The following NUDT3 variants were observed in gnomAD, a reference collection of about 807,000 sequenced individuals.
NUDT3 encodes nudix hydrolase 3.
NUDT3 carries 9 observed loss-of-function variants against 23.6 expected under a neutral mutation model. The observed-to-expected ratio is 0.38, with a 90% CI of 0.23 to 0.66. The LOEUF (loss-of-function observed/expected upper bound fraction) is 0.66. NUDT3 is among the 30% of genes least tolerant of loss of function. NUDT3 has a pLI of 0.52. For synonymous variants in NUDT3, 86 were observed against 82.6 expected, an observed-to-expected ratio of 1.04 and a Z score of -0.22; for missense variants, 172 against 218.5, an observed-to-expected ratio of 0.79 and a Z score of 1.34.
chr6:34,381,692 C>T (rs1307742354), intron 1 of NUDT3, among the ~76,000 whole-genome samples: 1 of 152,152 alleles, frequency 6.6e-6, no homozygotes, highest in East Asian at 1.9e-4. Flanking sequence ...TGTAAAAGCC[C>T]TGAGTCAGGG....
At position 34,392,583 on chromosome 6, in the gene NUDT3, G is replaced by GCTGCCGCCAGGGCCGCCGCCCCCT; in HGVS notation, c.-245_-222dup. The GCTGCCGCCAGGGCCGCCGCCCCCT allele has an allele frequency of 3.0e-6, 1 of 332,226 alleles. No individual in the cohort carries two copies. The highest frequency in any genetic ancestry group is 5.4e-6 in the Non-Finnish European group (1 of 184,154). 20.6% of individuals were successfully genotyped at this position (332,226 alleles called of 1,614,324 possible). ...TGCCACCGTCACGGCTGCCGTCTCC[G>GCTGCCGCCAGGGCCGCCGCCCCCT]CTGCCGCCAGGGCCGCCGCCCCCTC... On this transcript the variant is annotated 5_prime_UTR_variant, in exon 1 of 5. Coordinates refer to ENST00000607016, the MANE Select transcript of NUDT3 (RefSeq NM_006703.4).
chr6:34,337,492 C>T (rs947457685), intron 2 of NUDT3, among the ~76,000 whole-genome samples: 1 of 152,172 alleles, frequency 6.6e-6, no homozygotes, highest in Non-Finnish European at 1.5e-5. Flanking sequence ...TTATTTTACT[C>T]CTATTTCACA....
intron 1 of NUDT3, among the ~76,000 whole-genome samples, chr6:34,377,383 T>C (rs946344259): frequency 1.3e-5 from 2 of 152,086 alleles, no homozygotes; most frequent in African/African-American, 4.8e-5. Context: ...GAGACTACAA[T>C]ATATGTATTT....
intron 1 of NUDT3, among the ~76,000 whole-genome samples, chr6:34,391,760 C>A (rs1355099108): frequency 6.6e-6 from 1 of 151,538 alleles, no homozygotes; most frequent in Non-Finnish European, 1.5e-5. Flanking sequence ...ACCCCCACCC[C>A]TCAGCTTTGG....
At chr6:34,391,371 G>A (rs1379519122) in intron 1 of NUDT3, among the ~76,000 whole-genome samples, 1 of 152,130 alleles carries the variant, frequency 6.6e-6, no homozygotes, top group Non-Finnish European at 1.5e-5. Flanking sequence ...AATTTCCAAA[G>A]CAGCTACTCT....
intron 1 of NUDT3, among the ~76,000 whole-genome samples, chr6:34,385,941 C>T (rs1430001249): frequency 6.6e-6 from 1 of 152,178 alleles, no homozygotes; most frequent in Non-Finnish European, 1.5e-5. Context: ...ACCTTGGTCT[C>T]CCAAAGTGCT....
intron 1 of NUDT3, among the ~76,000 whole-genome samples, chr6:34,361,289 T>C (rs1363145297): frequency 1.3e-5 from 2 of 152,186 alleles, no homozygotes; most frequent in South Asian, 4.1e-4. Flanking sequence ...TCACATCATA[T>C]GTCAACAGGG....
chr6:34,361,214 C>T (rs1764646155), intron 1 of NUDT3, among the ~76,000 whole-genome samples: 1 of 151,732 alleles, frequency 6.6e-6, no homozygotes, highest in Admixed American at 6.6e-5. Context: ...AGAGTGAGAC[C>T]CTGTCTCTAA....
chr6:34,382,604 G>A (rs927658972), intron 1 of NUDT3, among the ~76,000 whole-genome samples: 18 of 151,764 alleles, frequency 1.2e-4, no homozygotes, highest in African/African-American at 3.6e-4. Context: ...GGTCAAGGCA[G>A]GAGGGCTGCT....
chr6:34,316,704 G>C (rs1175802310), intron 2 of NUDT3, among the ~76,000 whole-genome samples: 1 of 152,114 alleles, frequency 6.6e-6, no homozygotes, highest in Admixed American at 6.6e-5. Context: ...CAATTACAAG[G>C]GCACTGAGAG....
chr6:34,323,304 G>T (rs544616563), intron 2 of NUDT3, among the ~76,000 whole-genome samples: 157 of 152,188 alleles, frequency 1.0e-3, no homozygotes, highest in African/African-American at 3.6e-3. Context: ...TGGGCACAGT[G>T]GCCCATAATC....
At chr6:34,294,236 T>C (rs1763466219) in intron 3 of NUDT3, among the ~76,000 whole-genome samples, 1 of 152,004 alleles carries the variant, frequency 6.6e-6, no homozygotes, top group East Asian at 2.0e-4. Flanking sequence ...TCCGCATGCC[T>C]AGGCCTGGGA....
chr6:34,324,998 T>C (rs1190355221), intron 2 of NUDT3, among the ~76,000 whole-genome samples: 2 of 152,202 alleles, frequency 1.3e-5, no homozygotes, highest in Non-Finnish European at 2.9e-5. Context: ...CTGGAGGCTA[T>C]GTCTATGCCA....
chr6:34,349,589 G>C (rs1049456385), intron 1 of NUDT3, among the ~76,000 whole-genome samples: 1 of 150,600 alleles, frequency 6.6e-6, no homozygotes, highest in African/African-American at 2.5e-5. Context: ...AATGGTATCA[G>C]AATCTTCCAG....
intron 2 of NUDT3, 141 bp downstream of exon 2, chr6:34,341,721 G>A: frequency 1.6e-6 from 1 of 620,846 alleles, no homozygotes; most frequent in Non-Finnish European, 2.6e-6. Flanking sequence ...CGGTAATAAA[G>A]GAGGGACCGG....
intron 3 of NUDT3, among the ~76,000 whole-genome samples, chr6:34,294,905 G>T (rs1028134467): frequency 6.6e-6 from 1 of 152,006 alleles, no homozygotes; most frequent in Non-Finnish European, 1.5e-5. Context: ...GGGATTATAG[G>T]TGTGAGCCAC....
intron 1 of NUDT3, among the ~76,000 whole-genome samples, chr6:34,380,192 C>A (rs1764990435): frequency 6.6e-6 from 1 of 152,028 alleles, no homozygotes; most frequent in Non-Finnish European, 1.5e-5. Flanking sequence ...GCTGGGATTA[C>A]AGGCGCCTGC....
At chr6:34,392,215 A>T in intron 1 of NUDT3, 49 bp downstream of exon 1, 1 of 1,465,688 alleles carries the variant, frequency 6.8e-7, no homozygotes, top group Middle Eastern at 2.2e-4. Context: ...CCTCCACCCG[A>T]AGGGGCCGGA....
intron 1 of NUDT3, among the ~76,000 whole-genome samples, chr6:34,374,156 CAAAAA>C (rs397888346): frequency 1.5e-5 from 1 of 64,692 alleles, no homozygotes; most frequent in African/African-American, 5.3e-5. Flanking sequence ...GGCTCCCTCT[CAAAAA>C]AAAAAAAAAA....
Sources: allele counts gnomAD v4.1 joint callset (sites outside exome capture counted in the v4.1 genomes callset), GRCh38; gene constraint gnomAD v4.1.1; transcripts MANE v1.5; gene names NCBI Gene and HGNC (gene_info 2026-07-23, HGNC 2026-07-21).